VPS13B: variants seen among roughly 807,000 people sequenced by gnomAD.
VPS13B encodes intermembrane lipid transfer protein VPS13B.
Under a neutral mutation model 426.4 loss-of-function variants are expected in VPS13B, and 285 were observed. That is an observed-to-expected ratio of 0.67 (90% CI 0.61 to 0.74). The LOEUF (loss-of-function observed/expected upper bound fraction) is 0.74, where lower values mean the gene tolerates loss of function less well. Among genes scored for constraint, VPS13B ranks in the 30% least tolerant of loss-of-function variants. VPS13B has a pLI of 0.00. For missense variants in VPS13B, 4,537 were observed against 4,782.6 expected, an observed-to-expected ratio of 0.95 and a Z score of 1.51; for synonymous variants, 1,676 against 1,676.4, an observed-to-expected ratio of 1.00 and a Z score of 0.01.
intron 16 of VPS13B, among the ~76,000 whole-genome samples, chr8:99,192,447 G>C (rs1247493513): frequency 1.3e-5 from 2 of 152,232 alleles, no homozygotes; most frequent in African/African-American, 4.8e-5. Flanking sequence ...TTTCCCATTT[G>C]AAAAACTAGT....
intron 20 of VPS13B, among the ~76,000 whole-genome samples, chr8:99,388,546 T>A (rs1814251402): frequency 6.6e-6 from 1 of 152,166 alleles, no homozygotes; most frequent in South Asian, 2.1e-4. Flanking sequence ...AACTGAAATT[T>A]GAGAAGAGCT....
chr8:99,121,128 T>C (rs1200538312), intron 7 of VPS13B, 49 bp from the exon 8 acceptor site: 1 of 1,553,720 alleles, frequency 6.4e-7, no homozygotes, highest in Non-Finnish European at 8.7e-7. Flanking sequence ...TCTATTCTCT[T>C]AGTTAAATCC....
At chr8:99,112,652 GC>G (rs1563547089) in intron 6 of VPS13B, among the ~76,000 whole-genome samples, 1 of 152,076 alleles carries the variant, frequency 6.6e-6, no homozygotes, top group East Asian at 1.9e-4. Flanking sequence ...ATTTTCTATA[GC>G]CTTGGGTTTT....
chr8:99,355,306 C>T (rs571780021), intron 19 of VPS13B, among the ~76,000 whole-genome samples: 3 of 152,216 alleles, frequency 2.0e-5, no homozygotes, highest in Admixed American at 2.0e-4. Flanking sequence ...TAAAAATCCC[C>T]TACTGGCTGG....
At chr8:99,769,078 G>T (rs1038326390) in intron 40 of VPS13B, among the ~76,000 whole-genome samples, 1 of 152,248 alleles carries the variant, frequency 6.6e-6, no homozygotes, top group South Asian at 2.1e-4. Context: ...GAAATGTGGA[G>T]CCTTTAGGAA....
rs1385737469 is a variant in VPS13B at position 99,679,036 on chromosome 8, T to C, written c.6046+17545T>C. On this transcript the variant is annotated intron_variant, in intron 35 of 61. Coordinates refer to ENST00000357162, the MANE Select transcript of VPS13B (RefSeq NM_152564.5). ...GTTTTAAACCTTGCTGTTTTCTTAG[T>C]CTGCAATTCTTACACCCTTTTTCTT... Among the ~76,000 whole-genome samples the C allele has an allele frequency of 2.0e-5, 3 of 152,230 alleles. No homozygotes were observed. The East Asian group carries it at 5.8e-4, about 29-fold the overall frequency.
chr8:99,869,853 G>A (rs759125953), intron 59 of VPS13B, among the ~76,000 whole-genome samples: 12 of 152,292 alleles, frequency 7.9e-5, no homozygotes, highest in South Asian at 6.2e-4. Context: ...ACTATGCGTC[G>A]TTTGTAAACA....
chr8:99,631,732 A>G (rs1327481440), intron 33 of VPS13B, among the ~76,000 whole-genome samples: 2 of 151,844 alleles, frequency 1.3e-5, no homozygotes, highest in African/African-American at 2.4e-5. Context: ...TGTTTTATAT[A>G]TACATATATA....
chr8:99,102,892 A>C (rs890237860), intron 4 of VPS13B, 61 bp from the exon 5 acceptor site: 2 of 1,437,086 alleles, frequency 1.4e-6, no homozygotes, highest in African/African-American at 2.8e-5. Context: ...ATAACACTTT[A>C]AGAAATAATT....
At chr8:99,763,328 A>G (rs954656071) in intron 39 of VPS13B, among the ~76,000 whole-genome samples, 1 of 152,024 alleles carries the variant, frequency 6.6e-6, no homozygotes, top group African/African-American at 2.4e-5. Flanking sequence ...ATATTCATTC[A>G]TTGATTCATG....
intron 35 of VPS13B, among the ~76,000 whole-genome samples, chr8:99,669,343 G>C (rs1411561648): frequency 1.3e-5 from 2 of 151,688 alleles, no homozygotes; most frequent in South Asian, 2.1e-4. Context: ...ATTAACTCAG[G>C]GTTATTTGCA....
At chr8:99,070,998 T>G (rs1337674665) in intron 3 of VPS13B, among the ~76,000 whole-genome samples, 2 of 152,180 alleles carry the variant, frequency 1.3e-5, no homozygotes, top group African/African-American at 4.8e-5. Context: ...TCCTTCTCTC[T>G]GTTATCTTGA....
intron 49 of VPS13B, 62 bp from the exon 50 acceptor site, chr8:99,821,232 A>G: frequency 6.4e-7 from 1 of 1,565,338 alleles, no homozygotes; most frequent in East Asian, 2.3e-5. Context: ...AATCCTGAGG[A>G]TTGAAGTAAA....
At chr8:99,366,111 T>C (rs894169041) in intron 19 of VPS13B, among the ~76,000 whole-genome samples, 5 of 152,162 alleles carry the variant, frequency 3.3e-5, no homozygotes, top group African/African-American at 1.2e-4. Context: ...ATTAGGTCCA[T>C]TTGGTCTACA....
At chr8:99,806,425 A>G (rs2130777419) in intron 43 of VPS13B, among the ~76,000 whole-genome samples, 2 of 152,258 alleles carry the variant, frequency 1.3e-5, no homozygotes, top group South Asian at 4.2e-4. Context: ...AATCACAGCA[A>G]CCTGATCCAG....
At chr8:99,835,418 AT>A in intron 53 of VPS13B, 94 bp downstream of exon 53, 18 of 1,501,938 alleles carry the variant, frequency 1.2e-5, no homozygotes, top group Non-Finnish European at 1.6e-5. Flanking sequence ...TGTGAAAAAA[AT>A]ATTTAAATAA....
chr8:99,043,098 T>C (rs906863845), intron 3 of VPS13B, among the ~76,000 whole-genome samples: 1 of 152,194 alleles, frequency 6.6e-6, no homozygotes, highest in African/African-American at 2.4e-5. Context: ...AGCAGAACTT[T>C]TCTGGGATCT....
chr8:99,875,418 G>C lies in VPS13B; in HGVS notation c.11746G>C (p.Val3916Leu). ...AATCTTTATTATTTTTGGATCCTAGGTAGATGGAGTCCGAGAGAGACTGTC... is the reference window on the plus strand; with the variant it reads ...AATCTTTATTATTTTTGGATCCTAGCTAGATGGAGTCCGAGAGAGACTGTC... ...KQPRVACDVEVDGVRERLSEQ... is the reference protein window; with the variant it reads ...KQPRVACDVELDGVRERLSEQ... The change falls in exon 62 of 62, where the codon GTA (valine) becomes CTA (leucine). Residue 3916 changes from valine (V) to leucine (L), a missense_variant and splice_region_variant. Transcript: ENST00000357162. 1 of 1,614,150 alleles carries C rather than the reference G, an allele frequency of 6.2e-7. No homozygotes were observed. The highest frequency in any genetic ancestry group is 8.5e-7 in the Non-Finnish European group (1 of 1,180,014).
intron 3 of VPS13B, among the ~76,000 whole-genome samples, chr8:99,061,572 G>A (rs999672705): frequency 1.8e-5 from 1 of 54,422 alleles, no homozygotes; most frequent in Non-Finnish European, 4.1e-5. Context: ...TTCTTTTCCT[G>A]CCTTCTTTGG....
Sources: allele counts gnomAD v4.1 joint callset (sites outside exome capture counted in the v4.1 genomes callset), GRCh38; gene constraint gnomAD v4.1.1; transcripts MANE v1.5; gene names NCBI Gene and HGNC (gene_info 2026-07-23, HGNC 2026-07-21).